TLR1: variants seen among roughly 807,000 people sequenced by gnomAD.
TLR1 encodes the protein toll like receptor 1.
Under a neutral mutation model 20.2 loss-of-function variants are expected in TLR1, and 19 were observed. The ratio of observed to expected loss-of-function variants is 0.94; its 90% CI spans 0.66 to 1.38. The LOEUF is 1.38. TLR1 is among the 40% of genes most tolerant of loss of function. TLR1 has a pLI of 0.00. For missense variants in TLR1, 921 were observed against 910.0 expected, an observed-to-expected ratio of 1.01 and a Z score of -0.16; for synonymous variants, 320 against 334.5, an observed-to-expected ratio of 0.96 and a Z score of 0.47.
rs745825756 is a variant in TLR1, at chr4:38,798,498, G to C, written c.334C>G (p.Pro112Ala). 9.3e-6 allele frequency: 15 copies of C among 1,613,932 alleles called. No homozygotes were observed. Among genetic ancestry groups the C allele is most frequent in the Non-Finnish European group, 1.3e-5 (15 of 1,180,002 alleles). Reference protein sequence around the residue: ...HNKLVKISCHPTVNLKHLDLS... With the variant: ...HNKLVKISCHATVNLKHLDLS... ...TCCAAGTGCTTGAGGTTCACAGTAG[G>C]GTGGCAAGAAATCTTCACCAACTTG... The change falls in exon 4 of 4, where the codon CCT (proline) becomes GCT (alanine). Residue 112 changes from proline to alanine, a missense_variant. By Grantham distance (27) the Pro-to-Ala change is conservative (BLOSUM62 -1). Transcript: ENST00000308979.
Position 38,798,351 on chromosome 4 carries a change from G to A in TLR1, c.481C>T (p.His161Tyr), listed in dbSNP as rs1346243429. 1 of 1,613,778 alleles carries A rather than the reference G, an allele frequency of 6.2e-7. No individual in the cohort carries two copies. The highest frequency in any genetic ancestry group is 1.3e-5 in the African/African-American group (1 of 74,820). The change falls in exon 4 of 4, where the codon CAT becomes TAT. Residue 161 changes from histidine (H) to tyrosine (Y), a missense_variant. His to Tyr is a moderately conservative substitution (Grantham distance 83, BLOSUM62 2). Coordinates refer to ENST00000308979, the MANE Select transcript of TLR1 (RefSeq NM_003263.4). ...AGCAAGACCTTGCTGATATTCAAATGAGCAATTGGCAGCACACTAGATTTT... is the reference window on the plus strand; with the variant it reads ...AGCAAGACCTTGCTGATATTCAAATAAGCAATTGGCAGCACACTAGATTTT... Reference protein sequence around the residue: ...LEKSSVLPIAHLNISKVLLVL... With the variant: ...LEKSSVLPIAYLNISKVLLVL...
chr4:38,798,322 G>A lies in TLR1; in HGVS notation c.510C>T (p.Val170=), dbSNP rs546455795. Residue 170 remains valine (V), a synonymous_variant, in exon 4 of 4, where the codon GTC becomes GTT. Transcript: ENST00000308979. ...AHLNISKVLL[V]LGETYGEKED... is the part of the protein sequence containing the mutation. ...CTTTTTCCCCATAAGTCTCTCCTAAGACCAGCAAGACCTTGCTGATATTCA... is the reference window on the plus strand; with the variant it reads ...CTTTTTCCCCATAAGTCTCTCCTAAAACCAGCAAGACCTTGCTGATATTCA... 6.2e-6 allele frequency: 10 copies of A among 1,613,812 alleles called. No homozygotes were observed. In the South Asian group the frequency reaches 7.7e-5, roughly 12 times the overall value.
downstream of TLR1, among the ~76,000 whole-genome samples, chr4:38,795,306 A>G (rs1220409224): frequency 6.6e-6 from 1 of 152,192 alleles, no homozygotes; most frequent in East Asian, 1.9e-4. Flanking sequence ...TGTAGTTATG[A>G]CAAGGTTTTT....
chr4:38,796,370 CA>C lies in TLR1; in HGVS notation c.*100del, dbSNP rs1331714457. 6.8e-6 allele frequency: 9 copies of C among 1,331,080 alleles called. No homozygotes were observed. Among genetic ancestry groups the C allele is most frequent in the Non-Finnish European group, 9.3e-6 (9 of 970,244 alleles). The allele number at this position is 1,331,080 out of a possible 1,614,324, so 82.5% of individuals were successfully genotyped here. On this transcript the variant is annotated 3_prime_UTR_variant, in exon 4 of 4. Transcript: ENST00000308979. The stretch of plus-strand genomic sequence containing the variant: ...TATTTTTACCTACATCATACACTCA[CA>C]ATTGTGTTTACATCTATGCTGATGC...
At chr4:38,795,153 T>G (rs770781481), downstream of TLR1, among the ~76,000 whole-genome samples, 1 of 152,144 alleles carries the variant, frequency 6.6e-6, no homozygotes, top group Admixed American at 6.5e-5. Flanking sequence ...GAAAGGAGCA[T>G]GTATATAATG....
Position 38,796,347 on chromosome 4 carries a change from T to C in TLR1, c.*124A>G. The C allele has an allele frequency of 9.1e-7, 1 of 1,100,132 alleles. No individual in the cohort carries two copies. Among genetic ancestry groups the C allele is most frequent in the Non-Finnish European group, 1.3e-6 (1 of 778,946 alleles). The allele number at this position is 1,100,132 out of a possible 1,614,324, so 68.1% of individuals were successfully genotyped here. On this transcript the variant is annotated 3_prime_UTR_variant, in exon 4 of 4. Transcript: ENST00000308979. ...GTGAACTGCGACCCGAAGGTATATATTTTTACCTACATCATACACTCACAA... is the reference window on the plus strand; with the variant it reads ...GTGAACTGCGACCCGAAGGTATATACTTTTACCTACATCATACACTCACAA...
intron 2 of TLR1, among the ~76,000 whole-genome samples, chr4:38,802,913 C>T (rs774122684): frequency 6.6e-6 from 1 of 152,122 alleles, no homozygotes; most frequent in Non-Finnish European, 1.5e-5. Flanking sequence ...GTATAATTGC[C>T]CTGCTGACGC....
chr4:38,796,354 C>A lies in TLR1; in HGVS notation c.*117G>T, dbSNP rs1579198984. 2 of 1,150,926 alleles carry A rather than the reference C, an allele frequency of 1.7e-6. No homozygotes were observed. The highest frequency in any genetic ancestry group is 2.4e-6 in the Non-Finnish European group (2 of 823,278). The allele number at this position is 1,150,926 out of a possible 1,614,324, so 71.3% of individuals were successfully genotyped here. On this transcript the variant is annotated 3_prime_UTR_variant, in exon 4 of 4. Transcript: ENST00000308979. Reference sequence around the variant, plus strand: ...GCGACCCGAAGGTATATATTTTTACCTACATCATACACTCACAATTGTGTT... The same window carrying A: ...GCGACCCGAAGGTATATATTTTTACATACATCATACACTCACAATTGTGTT...
chr4:38,798,256 CAG>C lies in TLR1; in HGVS notation c.574_575del (p.Leu192AlafsTer28). On this transcript the variant is annotated frameshift_variant, in exon 4 of 4. Coordinates refer to ENST00000308979, the MANE Select transcript of TLR1 (RefSeq NM_003263.4). LOFTEE classifies it low-confidence loss of function (END_TRUNC). ...CTTTGTTTGTGGGGAACACAATGTG[CAG>C]ACTCTCAGTGTTAAAGTCTTGAAGG... is the stretch of plus-strand genomic sequence containing the variant. ...EGLQDFNTES[L>X]HIVFPTNKEF... is the part of the protein sequence containing the mutation. 1 of 1,612,946 alleles carries C rather than the reference CAG, an allele frequency of 6.2e-7. No homozygotes were observed. The highest frequency in any genetic ancestry group is 8.5e-7 in the Non-Finnish European group (1 of 1,179,194).
chr4:38,790,997 AT>A (rs1725703346), exon 4 of TLR1: 1 of 152,136 alleles, frequency 6.6e-6, no homozygotes, highest in Non-Finnish European at 1.5e-5. Flanking sequence ...TTGACAATTA[AT>A]TTTTATTATG....
At chr4:38,788,850 A>T (rs752477503), downstream of TLR1, among the ~76,000 whole-genome samples, 3 of 152,016 alleles carry the variant, frequency 2.0e-5, no homozygotes, top group African/African-American at 4.8e-5. Context: ...CTACAAAAAA[A>T]TTTTTAAATG....
At chr4:38,789,486 CT>C (rs750693233), downstream of TLR1, among the ~76,000 whole-genome samples, 10 of 146,172 alleles carry the variant, frequency 6.8e-5, no homozygotes, top group Middle Eastern at 3.5e-3. Flanking sequence ...TTTTTCTTTT[CT>C]TTTTTTTTTG....
downstream of TLR1, among the ~76,000 whole-genome samples, chr4:38,793,232 T>C (rs559882105): frequency 2.0e-5 from 3 of 152,286 alleles, no homozygotes; most frequent in South Asian, 6.2e-4. Context: ...AAGCTCGCTA[T>C]GTGAAAACTG....
At chr4:38,788,434 T>C (rs1725652071), downstream of TLR1, among the ~76,000 whole-genome samples, 1 of 152,164 alleles carries the variant, frequency 6.6e-6, no homozygotes, top group Non-Finnish European at 1.5e-5. Flanking sequence ...TTCCAAGACT[T>C]AATCATATAA....
chr4:38,793,319 C>G (rs140926920), downstream of TLR1, among the ~76,000 whole-genome samples: 62 of 152,222 alleles, frequency 4.1e-4, no homozygotes, highest in East Asian at 0.01. Flanking sequence ...TACTCTAAGA[C>G]TATATTTTAC....
At chr4:38,795,308 A>C (rs1725967304), downstream of TLR1, among the ~76,000 whole-genome samples, 1 of 152,136 alleles carries the variant, frequency 6.6e-6, no homozygotes, top group Non-Finnish European at 1.5e-5. Context: ...TAGTTATGAC[A>C]AGGTTTTTGT....
Position 38,797,891 on chromosome 4 carries a change from A to G in TLR1, c.941T>C (p.Phe314Ser). Residue 314 changes from phenylalanine (F) to serine (S), a missense_variant, in exon 4 of 4, where the codon TTT becomes TCT. Coordinates refer to ENST00000308979, the MANE Select transcript of TLR1 (RefSeq NM_003263.4). ...GATTTCATAGATATAACTTTGCGGA[A>G]AACCGAACACATCGCTGACAACTTG... ...IHQVVSDVFG[F>S]PQSYIYEIFS... 1 of 1,614,094 alleles carries G rather than the reference A, an allele frequency of 6.2e-7. No individual in the cohort carries two copies. The highest frequency in any genetic ancestry group is 8.5e-7 in the Non-Finnish European group (1 of 1,179,908).
Position 38,798,474 on chromosome 4 carries a change from C to T in TLR1, c.358G>A (p.Asp120Asn). 6.2e-7 allele frequency: 1 copy of T among 1,614,032 alleles called. No individual in the cohort carries two copies. Among genetic ancestry groups the T allele is most frequent in the Non-Finnish European group, 8.5e-7 (1 of 1,180,000 alleles). ...GCATCAAATGCATTAAATGACAGGT[C>T]CAAGTGCTTGAGGTTCACAGTAGGG... ...CHPTVNLKHL[D>N]LSFNAFDALP... Residue 120 changes from aspartate (D) to asparagine (N), a missense_variant, in exon 4 of 4, where the codon GAC becomes AAC. Asp to Asn is a conservative substitution (Grantham distance 23). Coordinates refer to ENST00000308979, the MANE Select transcript of TLR1 (RefSeq NM_003263.4).
chr4:38,791,922 G>A (rs926292602), downstream of TLR1, among the ~76,000 whole-genome samples: 1 of 152,168 alleles, frequency 6.6e-6, no homozygotes, highest in African/African-American at 2.4e-5. Flanking sequence ...GAAGAAGGTG[G>A]AAGAAGCAAA....
Sources: gnomAD v4.1 joint callset for allele counts (sites outside exome capture counted in the v4.1 genomes callset) on GRCh38, gnomAD v4.1.1 for gene constraint, MANE v1.5 for transcripts, NCBI Gene and HGNC (gene_info 2026-07-23, HGNC 2026-07-21) for gene names.